ZNF90: variants seen among roughly 807,000 people sequenced by gnomAD.
The protein encoded by ZNF90 is zinc finger protein HTF9.
Under a neutral mutation model 12.0 loss-of-function variants are expected in ZNF90, and 11 were observed. The ratio of observed to expected loss-of-function variants is 0.92; its 90% CI spans 0.58 to 1.52. ZNF90 has a LOEUF of 1.52. Among genes scored for constraint, ZNF90 ranks in the 40% most tolerant of loss-of-function variants. The pLI is 0.00. For missense variants in ZNF90, 765 were observed against 711.5 expected (o/e 1.08, Z -0.86); for synonymous variants, 232 against 240.1 (o/e 0.97, Z 0.31).
At chr19:20,089,334 G>C (rs1199706318) in intron 1 of ZNF90, among the ~76,000 whole-genome samples, 1 of 152,180 alleles carries the variant, frequency 6.6e-6, no homozygotes, top group Non-Finnish European at 1.5e-5. Context: ...GGTAGCCAAG[G>C]ATGGAGTGAA....
At chr19:20,110,426 C>T (rs1469658580) in intron 3 of ZNF90, among the ~76,000 whole-genome samples, 7 of 151,910 alleles carry the variant, frequency 4.6e-5, no homozygotes, top group African/African-American at 7.3e-5. Context: ...TTACAGGCAC[C>T]CACTACCATG....
At chr19:20,083,060 T>C (rs1555701703) in intron 1 of ZNF90, among the ~76,000 whole-genome samples, 1 of 152,082 alleles carries the variant, frequency 6.6e-6, no homozygotes, top group African/African-American at 2.4e-5. Flanking sequence ...TGCTGACCCT[T>C]CCCCCGCTAT....
At chr19:20,081,766 CTTCT>C (rs2088821428) in intron 1 of ZNF90, among the ~76,000 whole-genome samples, 2 of 144,168 alleles carry the variant, frequency 1.4e-5, no homozygotes, top group African/African-American at 5.7e-5. Flanking sequence ...TTCTTTCTTT[CTTCT>C]TTTTTTTTTT....
chr19:20,086,706 A>G (rs1488584485), intron 1 of ZNF90, among the ~76,000 whole-genome samples: 1 of 152,238 alleles, frequency 6.6e-6, no homozygotes, highest in South Asian at 2.1e-4. Flanking sequence ...TACATACTAT[A>G]TACATTATGA....
At position 20,119,174 on chromosome 19, in the gene ZNF90, A is replaced by G. The variant is rs781978590; in HGVS notation, c.1620A>G (p.Glu540=). The change falls in exon 4 of 4, where the codon GAA becomes GAG. Residue 540 remains glutamate (E), a synonymous_variant. Coordinates refer to ENST00000418063, the MANE Select transcript of ZNF90 (RefSeq NM_007138.2). The part of the protein sequence containing the change: ...IHTGAKPYKC[E]ECGKAFKRSS... ...CTGGAGCGAAACCCTACAAATGTGA[A>G]GAATGTGGCAAAGCCTTTAAGCGCT... 6 of 1,613,014 alleles carry G rather than the reference A, an allele frequency of 3.7e-6. No homozygotes were observed. In the Admixed American group the frequency reaches 1.0e-4, roughly 27 times the overall value.
intron 3 of ZNF90, among the ~76,000 whole-genome samples, chr19:20,113,095 GTTTCT>G (rs2089103881): frequency 6.6e-6 from 1 of 151,684 alleles, no homozygotes; most frequent in Non-Finnish European, 1.5e-5. Context: ...AATTATTTCT[GTTTCT>G]TTTCCTGTAT....
At position 20,105,199 on chromosome 19, in the gene ZNF90, TTATTTATTTTTAATAAAACAGG is replaced by T. The variant is rs1555704264; in HGVS notation, c.131-17_135del. Reference sequence around the variant, plus strand: ...TTGGAGAATATGAGGAAGATTCATGTTATTTATTTTTAATAAAACAGGTATTGTTGTCACTAAGCCAGACCTG... The same window carrying T: ...TTGGAGAATATGAGGAAGATTCATGTTATTGTTGTCACTAAGCCAGACCTG... On this transcript the variant is annotated splice_acceptor_variant and splice_polypyrimidine_tract_variant and coding_sequence_variant and intron_variant, in exon 3 of 4. Transcript: ENST00000418063. LOFTEE classifies it high-confidence loss of function. 14 of 1,565,944 alleles carry T rather than the reference TTATTTATTTTTAATAAAACAGG, an allele frequency of 8.9e-6. No homozygotes were observed. In the Admixed American group the frequency reaches 2.3e-4, roughly 26 times the overall value.
chr19:20,095,175 A>G (rs2088933595), intron 1 of ZNF90, among the ~76,000 whole-genome samples: 1 of 152,028 alleles, frequency 6.6e-6, no homozygotes, highest in Admixed American at 6.6e-5. Context: ...ATCTGGGAGG[A>G]ATCGCATTGG....
intron 3 of ZNF90, among the ~76,000 whole-genome samples, chr19:20,113,757 G>A (rs538595200): frequency 6.6e-6 from 1 of 152,040 alleles, no homozygotes; most frequent in South Asian, 2.1e-4. Flanking sequence ...GAACCCGGGA[G>A]GCAGAGCTTG....
chr19:20,080,841 A>G (rs2088814992), intron 1 of ZNF90, among the ~76,000 whole-genome samples: 1 of 152,174 alleles, frequency 6.6e-6, no homozygotes, highest in African/African-American at 2.4e-5. Flanking sequence ...ATGTTAGATA[A>G]TGAGTTGTTG....
intron 3 of ZNF90, among the ~76,000 whole-genome samples, chr19:20,114,227 G>T (rs999296229): frequency 6.6e-6 from 1 of 152,182 alleles, no homozygotes; most frequent in Admixed American, 6.5e-5. Flanking sequence ...GGAAGTGGAG[G>T]TTGCAGTGAA....
At chr19:20,106,913 T>C (rs1555704544) in intron 3 of ZNF90, 1 of 454,520 alleles carries the variant, frequency 2.2e-6, no homozygotes, top group Admixed American at 2.3e-5. Flanking sequence ...TACAGGGGCT[T>C]GGGTTGTTGT....
chr19:20,082,756 A>T (rs2088829849), intron 1 of ZNF90, among the ~76,000 whole-genome samples: 1 of 152,176 alleles, frequency 6.6e-6, no homozygotes, highest in Non-Finnish European at 1.5e-5. Context: ...CCCGACACCC[A>T]TAAAGGGTCT....
In ZNF90 at chr19:20,099,308, G is replaced by C. The variant is rs183343709; in HGVS notation, c.4-4931G>C. Among the ~76,000 whole-genome samples, 307 of 152,150 alleles carry C rather than the reference G, an allele frequency of 2.0e-3. 4 individuals are homozygous for C. The highest frequency in any genetic ancestry group is 3.2e-3 in the Non-Finnish European group (221 of 68,008). ...CTTCCTTCAGCATCCTGAGTAGCTG[G>C]GATTACAGATGCCTGCCACTGCACA... On this transcript the variant is annotated intron_variant, in intron 1 of 3. Transcript: ENST00000418063.
rs374696166 is a variant in ZNF90, at chr19:20,119,020, C to G, written c.1466C>G (p.Ala489Gly). ...KLYKCQECDK[A>G]FKYSSALSTH... ...TACAAATGTCAAGAATGTGACAAAG[C>G]CTTCAAGTACTCCTCAGCCCTTAGC... is the stretch of plus-strand genomic sequence containing the variant. Residue 489 changes from alanine to glycine, a missense_variant, in exon 4 of 4, where the codon GCC becomes GGC. Coordinates refer to ENST00000418063, the MANE Select transcript of ZNF90 (RefSeq NM_007138.2). The G allele has an allele frequency of 2.5e-6, 4 of 1,604,604 alleles. No individual in the cohort carries two copies. Among genetic ancestry groups the G allele is most frequent in the Middle Eastern group, 3.3e-4 (2 of 6,040 alleles).
At chr19:20,098,797 A>C (rs1555703495) in intron 1 of ZNF90, among the ~76,000 whole-genome samples, 1 of 152,220 alleles carries the variant, frequency 6.6e-6, no homozygotes. Flanking sequence ...CTTCTGTCTC[A>C]GTGTAAGAGA....
Position 20,104,262 on chromosome 19 carries a change from G to A in ZNF90, c.27G>A (p.Val9=), listed in dbSNP as rs2089012252. The A allele has an allele frequency of 6.2e-7, 1 of 1,613,900 alleles. No individual in the cohort carries two copies. Among genetic ancestry groups the A allele is most frequent in the Admixed American group, 1.7e-5 (1 of 60,002 alleles). MGPLEFRD[V]AIEFSLEEWH... is the part of the protein sequence containing the mutation. ...AGGGACCATTGGAATTTAGAGATGT[G>A]GCCATAGAATTCTCTCTGGAGGAGT... The change falls in exon 2 of 4, where the codon GTG becomes GTA. Residue 9 remains valine (V), a synonymous_variant. Transcript: ENST00000418063.
intron 1 of ZNF90, among the ~76,000 whole-genome samples, chr19:20,098,049 A>T (rs1309332188): frequency 6.6e-6 from 1 of 152,208 alleles, no homozygotes; most frequent in Non-Finnish European, 1.5e-5. Flanking sequence ...CTCCCAGGTT[A>T]TAATCCATAA....
At chr19:20,092,633 A>G (rs1162965311) in intron 1 of ZNF90, among the ~76,000 whole-genome samples, 7 of 152,180 alleles carry the variant, frequency 4.6e-5, no homozygotes, top group African/African-American at 1.7e-4. Flanking sequence ...CCAAAGGTGA[A>G]AGTATCCAAC....
Sources: allele counts gnomAD v4.1 joint callset (sites outside exome capture counted in the v4.1 genomes callset), GRCh38; gene constraint gnomAD v4.1.1; transcripts MANE v1.5; gene names NCBI Gene and HGNC (gene_info 2026-07-23, HGNC 2026-07-21).